The following RMND1 variants were observed in gnomAD, a reference collection of about 807,000 sequenced individuals.
RMND1 encodes required for meiotic nuclear division 1 homolog, also known as required for meiotic nuclear division protein 1 homolog.
RMND1 carries 41 observed loss-of-function variants against 54.0 expected under a neutral mutation model. The observed-to-expected ratio is 0.76, with a 90% CI of 0.59 to 0.98. RMND1 has a LOEUF of 0.98. RMND1 is among the 50% of genes least tolerant of loss of function. The probability of loss-of-function intolerance (pLI) is 0.00; values close to 1 mark genes in which losing one functional copy is unlikely to be tolerated. For synonymous variants in RMND1, 183 were observed against 181.7 expected (o/e 1.01, Z -0.06); for missense variants, 457 against 532.0 (o/e 0.86, Z 1.39).
chr6:151,414,882 G>T (rs1278196602), intron 10 of RMND1, among the ~76,000 whole-genome samples: 3 of 152,120 alleles, frequency 2.0e-5, no homozygotes, highest in Non-Finnish European at 2.9e-5. Context: ...GAAGTGGCAT[G>T]GCATTTTTCA....
chr6:151,406,625 C>G (rs1018373416), intron 10 of RMND1, among the ~76,000 whole-genome samples: 1 of 152,168 alleles, frequency 6.6e-6, no homozygotes, highest in East Asian at 1.9e-4. Context: ...GCTGGGATTA[C>G]AGGCGTGAGC....
intron 4 of RMND1, among the ~76,000 whole-genome samples, chr6:151,431,797 G>T (rs964468284): frequency 1.3e-5 from 2 of 152,162 alleles, no homozygotes; most frequent in Admixed American, 1.3e-4. Flanking sequence ...AAAATACATT[G>T]TTAAATTAAT....
chr6:151,412,055 T>G (rs1562783881), intron 10 of RMND1: 1 of 152,136 alleles, frequency 6.6e-6, no homozygotes, highest in South Asian at 2.1e-4. Context: ...TGCTGTTTCA[T>G]CCAGGCTGAT....
chr6:151,417,127 A>C, intron 10 of RMND1, 152 bp downstream of exon 10: 1 of 770,036 alleles, frequency 1.3e-6, no homozygotes, highest in Non-Finnish European at 2.0e-6. Context: ...TTGACACAAA[A>C]AATTGAAGTG....
chr6:151,447,605 A>G (rs1399993453), intron 1 of RMND1, among the ~76,000 whole-genome samples: 1 of 152,168 alleles, frequency 6.6e-6, no homozygotes, highest in African/African-American at 2.4e-5. Flanking sequence ...ATTCACAGTG[A>G]TATTTAGGAG....
intron 10 of RMND1, among the ~76,000 whole-genome samples, chr6:151,416,198 C>T (rs1340626677): frequency 2.0e-5 from 3 of 151,938 alleles, no homozygotes; most frequent in African/African-American, 4.8e-5. Flanking sequence ...AGGCAGGTCT[C>T]GAACTCTTGA....
In RMND1 at chr6:151,417,348, C is replaced by T; in HGVS notation, c.1131G>A (p.Trp377Ter). Residue 377 changes from tryptophan to a stop codon, truncating the protein, a stop_gained, in exon 10 of 12, where the codon TGG becomes TGA. Transcript: ENST00000444024. LOFTEE classifies it high-confidence loss of function. Reference sequence around the variant, plus strand: ...AAAGTCCTTCCAGGTTTTCTCTGTCCCAGTAGAAATCAGGAGTAATCAGGA... The same window carrying T: ...AAAGTCCTTCCAGGTTTTCTCTGTCTCAGTAGAAATCAGGAGTAATCAGGA... Reference protein sequence around the residue: ...SDFLITPDFYWDRENLEGLYD... With the variant: ...SDFLITPDFY 1 of 1,613,022 alleles carries T rather than the reference C, an allele frequency of 6.2e-7. No individual in the cohort carries two copies. Among genetic ancestry groups the T allele is most frequent in the South Asian group, 1.1e-5 (1 of 90,886 alleles).
intron 10 of RMND1, among the ~76,000 whole-genome samples, chr6:151,412,568 C>G (rs1348681595): frequency 6.6e-6 from 1 of 152,170 alleles, no homozygotes; most frequent in African/African-American, 2.4e-5. Flanking sequence ...CTCTCTTGCT[C>G]TCTGTATTAG....
At chr6:151,450,818 G>C (rs920429079) in intron 1 of RMND1, among the ~76,000 whole-genome samples, 1 of 152,202 alleles carries the variant, frequency 6.6e-6, no homozygotes, top group Non-Finnish European at 1.5e-5. Context: ...TGTGTAGAAA[G>C]AAGTAGACAT....
chr6:151,427,915 T>C (rs997960219), intron 5 of RMND1, among the ~76,000 whole-genome samples: 1 of 151,768 alleles, frequency 6.6e-6, no homozygotes, highest in Non-Finnish European at 1.5e-5. Flanking sequence ...CAGAGGCGGG[T>C]GGATCCTTGA....
chr6:151,419,928 T>C (rs1005945933), intron 9 of RMND1, among the ~76,000 whole-genome samples: 1 of 152,004 alleles, frequency 6.6e-6, no homozygotes, highest in African/African-American at 2.4e-5. Context: ...ACATGAATAT[T>C]TTTATTTGCT....
intron 6 of RMND1, among the ~76,000 whole-genome samples, chr6:151,426,151 G>C (rs1373735041): frequency 6.6e-6 from 1 of 152,112 alleles, no homozygotes; most frequent in African/African-American, 2.4e-5. Context: ...GTTTCGCCAT[G>C]TTGGCCAAGC....
chr6:151,442,693 CTTT>C (rs71790787), intron 2 of RMND1, among the ~76,000 whole-genome samples: 2 of 130,450 alleles, frequency 1.5e-5, no homozygotes, highest in African/African-American at 2.9e-5. Flanking sequence ...GCAAGCCCGG[CTTT>C]TTTTTTTTTT....
chr6:151,408,312 C>T lies in RMND1; in HGVS notation c.1201-2476G>A, dbSNP rs201091222. Among the ~76,000 whole-genome samples, 20 of 151,878 alleles carry T rather than the reference C, an allele frequency of 1.3e-4. No homozygotes were observed. In the East Asian group the frequency reaches 2.3e-3, roughly 18 times the overall value. ...TTTAAGACCAGCATGGCCAACATAG[C>T]GAAACCCCGTCTCTACTAAAAATAG... On this transcript the variant is annotated intron_variant, in intron 10 of 11. Coordinates refer to ENST00000444024, the MANE Select transcript of RMND1 (RefSeq NM_017909.4).
At chr6:151,407,907 TCA>T (rs1201099057) in intron 10 of RMND1, among the ~76,000 whole-genome samples, 1 of 152,054 alleles carries the variant, frequency 6.6e-6, no homozygotes, top group Non-Finnish European at 1.5e-5. Context: ...CGAGACTCCG[TCA>T]CACACACAAA....
intron 2 of RMND1, 142 bp downstream of exon 2, chr6:151,445,166 A>G (rs1038925246): frequency 2.0e-5 from 15 of 767,628 alleles, no homozygotes; most frequent in East Asian, 8.2e-5. Flanking sequence ...TTGGATATTT[A>G]TTAGGCTTCA....
At chr6:151,438,280 G>A (rs146765574) in intron 2 of RMND1, among the ~76,000 whole-genome samples, 76 of 152,318 alleles carry the variant, frequency 5.0e-4, no homozygotes, top group African/African-American at 1.6e-3. Flanking sequence ...GCTCCACTCT[G>A]CAAGACCTGG....
At chr6:151,446,489 C>G (rs770803883) in intron 1 of RMND1, among the ~76,000 whole-genome samples, 4 of 151,910 alleles carry the variant, frequency 2.6e-5, no homozygotes, top group African/African-American at 4.8e-5. Context: ...GGCGAAGGTG[C>G]TTTTCAGCTT....
intron 11 of RMND1, 107 bp from the exon 12 acceptor site, chr6:151,405,374 ATGTT>A: frequency 9.1e-7 from 1 of 1,093,006 alleles, no homozygotes; most frequent in East Asian, 2.5e-5. Flanking sequence ...AGTAAGGTAA[ATGTT>A]TGCCCTTTCT....
Sources: gnomAD v4.1 joint callset for allele counts (sites outside exome capture counted in the v4.1 genomes callset) on GRCh38, gnomAD v4.1.1 for gene constraint, MANE v1.5 for transcripts, NCBI Gene and HGNC (gene_info 2026-07-23, HGNC 2026-07-21) for gene names.